SKAP1: variants seen among roughly 807,000 people sequenced by gnomAD.
The protein encoded by SKAP1 is src kinase-associated phosphoprotein 1.
In SKAP1, 44 loss-of-function variants were observed where a neutral mutation model predicts 58.5. The observed-to-expected ratio is 0.75, with a 90% confidence interval of 0.59 to 0.97. SKAP1 has a LOEUF of 0.97. Ranked by LOEUF, SKAP1 falls within the 50% of genes least tolerant of loss-of-function variation. The pLI, the probability that SKAP1 is intolerant of heterozygous loss-of-function variation, is 0.00. For missense variants in SKAP1, 390 were observed against 435.2 expected (o/e 0.90, Z 0.92); for synonymous variants, 127 against 149.7 (o/e 0.85, Z 1.11).
At chr17:48,165,263 G>C (rs1324380900) in intron 10 of SKAP1, among the ~76,000 whole-genome samples, 2 of 152,156 alleles carry the variant, frequency 1.3e-5, no homozygotes, top group Non-Finnish European at 2.9e-5. Flanking sequence ...CCTGAAGCTT[G>C]GCACCAGGAA....
intron 11 of SKAP1, among the ~76,000 whole-genome samples, chr17:48,155,105 C>CATGATG (rs1201674639): frequency 4.0e-5 from 6 of 150,524 alleles, no homozygotes; most frequent in African/African-American, 9.8e-5. Flanking sequence ...GTGGAACAAG[C>CATGATG]ATGATGATGA....
intron 4 of SKAP1, chr17:48,308,563 G>A (rs1257938962): frequency 6.6e-6 from 1 of 152,118 alleles, no homozygotes; most frequent in Non-Finnish European, 1.5e-5. Flanking sequence ...TAGCAAACAT[G>A]TTGCATATTT....
intron 4 of SKAP1, among the ~76,000 whole-genome samples, chr17:48,270,447 G>A (rs562055712): frequency 4.5e-4 from 68 of 152,094 alleles, no homozygotes; most frequent in Middle Eastern, 6.8e-3. Context: ...GGGTTCAAGC[G>A]ATTCTCTTGC....
intron 2 of SKAP1, among the ~76,000 whole-genome samples, chr17:48,384,293 C>T (rs2067250865): frequency 1.3e-5 from 2 of 152,084 alleles, no homozygotes; most frequent in South Asian, 4.1e-4. Flanking sequence ...GCCTTGGGAG[C>T]CCAGGCCTAG....
At chr17:48,247,684 C>T (rs2065313113) in intron 4 of SKAP1, among the ~76,000 whole-genome samples, 1 of 151,996 alleles carries the variant, frequency 6.6e-6, no homozygotes, top group Non-Finnish European at 1.5e-5. Flanking sequence ...TATATTTTTT[C>T]ATCCTTTTTC....
chr17:48,277,249 A>T (rs944438005), intron 4 of SKAP1, among the ~76,000 whole-genome samples: 2 of 152,198 alleles, frequency 1.3e-5, no homozygotes, highest in Non-Finnish European at 2.9e-5. Context: ...TTATAGTTAA[A>T]TTTATCAAGT....
At chr17:48,156,503 CG>C in intron 11 of SKAP1, 1 of 524,310 alleles carries the variant, frequency 1.9e-6, no homozygotes, top group Non-Finnish European at 3.9e-6. Flanking sequence ...ATCCTGGCTC[CG>C]GGGAGGAAGG....
chr17:48,161,305 G>A (rs1161426938), intron 11 of SKAP1, among the ~76,000 whole-genome samples: 1 of 152,210 alleles, frequency 6.6e-6, no homozygotes, highest in Non-Finnish European at 1.5e-5. Flanking sequence ...CGGGTTTTCA[G>A]TTTTCCCTTA....
chr17:48,245,695 G>T (rs2065288261), intron 4 of SKAP1, among the ~76,000 whole-genome samples: 1 of 152,198 alleles, frequency 6.6e-6, no homozygotes, highest in Non-Finnish European at 1.5e-5. Context: ...ACAATAAGAG[G>T]CCGGGTGCGG....
At chr17:48,396,883 T>C in intron 1 of SKAP1, 98 bp from the exon 2 acceptor site, 1 of 795,030 alleles carries the variant, frequency 1.3e-6, no homozygotes, top group Non-Finnish European at 2.1e-6. Context: ...CATATGTAAC[T>C]AACCTGCACA....
chr17:48,280,257 T>A (rs1302675920), intron 4 of SKAP1, among the ~76,000 whole-genome samples: 2 of 152,012 alleles, frequency 1.3e-5, no homozygotes, highest in East Asian at 1.9e-4. Flanking sequence ...TCACCTGAGG[T>A]CAGGAGTTTG....
chr17:48,158,731 C>T (rs1446072309), intron 11 of SKAP1, among the ~76,000 whole-genome samples: 8 of 151,734 alleles, frequency 5.3e-5, no homozygotes, highest in Admixed American at 4.6e-4. Context: ...GAGGCCGAGG[C>T]GGGCGGATCA....
chr17:48,256,761 A>G (rs913469044), intron 4 of SKAP1, among the ~76,000 whole-genome samples: 1 of 152,112 alleles, frequency 6.6e-6, no homozygotes, highest in Non-Finnish European at 1.5e-5. Flanking sequence ...TCCTTTGGCA[A>G]TTGAAGGTAA....
At chr17:48,178,567 G>C (rs1480184802) in intron 9 of SKAP1, among the ~76,000 whole-genome samples, 1 of 152,136 alleles carries the variant, frequency 6.6e-6, no homozygotes, top group Non-Finnish European at 1.5e-5. Flanking sequence ...GTAGCAATTT[G>C]ATTCAATTTT....
At chr17:48,268,820 A>G (rs550375070) in intron 4 of SKAP1, among the ~76,000 whole-genome samples, 2 of 152,122 alleles carry the variant, frequency 1.3e-5, no homozygotes, top group Admixed American at 1.3e-4. Context: ...GTAATGCTAT[A>G]CAAACTAAAA....
chr17:48,239,590 T>A (rs984821004), intron 4 of SKAP1, among the ~76,000 whole-genome samples: 4 of 152,200 alleles, frequency 2.6e-5, no homozygotes, highest in African/African-American at 9.7e-5. Context: ...TAGAAAAAGC[T>A]TTCTTTTGCA....
upstream of SKAP1, among the ~76,000 whole-genome samples, chr17:48,432,428 C>T (rs539176226): frequency 2.9e-3 from 427 of 149,798 alleles, 2 homozygotes; most frequent in African/African-American, 9.5e-3. Flanking sequence ...GACTCCATCT[C>T]AAAAAAAAGA....
At chr17:48,143,189 C>CT (rs1329483693) in intron 11 of SKAP1, among the ~76,000 whole-genome samples, 13,868 of 106,296 alleles carry the variant, frequency 0.13, 1,585 homozygotes, top group African/African-American at 0.25. Flanking sequence ...AATTCTTTAG[C>CT]TTTTTTTTTT....
intron 4 of SKAP1, among the ~76,000 whole-genome samples, chr17:48,322,701 A>G (rs552302808): frequency 6.6e-6 from 1 of 152,348 alleles, no homozygotes; most frequent in African/African-American, 2.4e-5. Context: ...TTACACCTTG[A>G]TGTCAGAACT....
Sources: gnomAD v4.1 joint callset for allele counts (sites outside exome capture counted in the v4.1 genomes callset) on GRCh38, gnomAD v4.1.1 for gene constraint, MANE v1.5 for transcripts, NCBI Gene and HGNC (gene_info 2026-07-23, HGNC 2026-07-21) for gene names.